SMAD1: variants seen among roughly 807,000 people sequenced by gnomAD.
SMAD1 encodes the protein MAD, mothers against decapentaplegic homolog 1.
SMAD1 carries 6 observed loss-of-function variants against 41.6 expected under a neutral mutation model. That is an observed-to-expected ratio of 0.14 (90% CI 0.08 to 0.28). The LOEUF (loss-of-function observed/expected upper bound fraction) is 0.28, where lower values mean the gene tolerates loss of function less well. Among genes scored for constraint, SMAD1 ranks in the 10% least tolerant of loss-of-function variants. The pLI, the probability that SMAD1 is intolerant of heterozygous loss-of-function variation, is 1.00. For synonymous variants in SMAD1, 206 were observed against 203.2 expected (o/e 1.01, Z -0.12); for missense variants, 379 against 582.6 (o/e 0.65, Z 3.60).
At chr4:145,519,591 C>T (rs1730624932) in intron 2 of SMAD1, among the ~76,000 whole-genome samples, 1 of 150,326 alleles carries the variant, frequency 6.7e-6, no homozygotes. Flanking sequence ...GAGGTCAAAC[C>T]TGTAGTGAGC....
chr4:145,553,691 A>G, intron 5 of SMAD1, 93 bp from the exon 6 acceptor site: 2 of 1,151,438 alleles, frequency 1.7e-6, no homozygotes, highest in African/African-American at 1.5e-5. Context: ...GTTTAAATCC[A>G]TGTATATTTA....
chr4:145,553,922 G>A lies in SMAD1; in HGVS notation c.1136G>A (p.Ser379Asn), dbSNP rs772196472. Residue 379 changes from serine to asparagine, a missense_variant, in exon 6 of 7, where the codon AGT (serine) becomes AAT (asparagine). Ser to Asn is a conservative substitution (Grantham distance 46). Coordinates refer to ENST00000302085, the MANE Select transcript of SMAD1 (RefSeq NM_005900.3). The part of the protein sequence containing the change: ...TTVCKIPSGC[S>N]LKIFNNQEFA... ...GTTTGCAAGATCCCTAGTGGGTGTAGTCTGAAAATTTTTAACAACCAAGAA... is the reference window on the plus strand; with the variant it reads ...GTTTGCAAGATCCCTAGTGGGTGTAATCTGAAAATTTTTAACAACCAAGAA... 1 of 1,614,110 alleles carries A rather than the reference G, an allele frequency of 6.2e-7. No individual in the cohort carries two copies. The highest frequency in any genetic ancestry group is 8.5e-7 in the Non-Finnish European group (1 of 1,180,020).
chr4:145,553,750 TA>T, intron 5 of SMAD1, 33 bp from the exon 6 acceptor site: 1 of 1,595,144 alleles, frequency 6.3e-7, no homozygotes, highest in East Asian at 2.2e-5. Context: ...TAAAAATTAA[TA>T]ATAACTAAAT....
In SMAD1 at chr4:145,514,783, G is replaced by T. The variant is rs1447739675; in HGVS notation, c.170G>T (p.Cys57Phe). The change falls in exon 2 of 7, where the codon TGC (cysteine) becomes TTC (phenylalanine). Residue 57 changes from cysteine (C) to phenylalanine (F), a missense_variant. By Grantham distance (205) the Cys-to-Phe change is radical (BLOSUM62 -2). Around this residue, in one of 3 missense-constraint regions of SMAD1, gnomAD observed 64 missense variants for 153.9 expected, o/e 0.42. Coordinates refer to ENST00000302085, the MANE Select transcript of SMAD1 (RefSeq NM_005900.3). This position sits in a 1 kb window ranked among gnomAD's most constrained non-coding sequence, Gnocchi z 4.7. ...GAGGAACTGGAAAAGGCCTTGAGCT[G>T]CCCAGGGCAACCGAGTAACTGTGTC... ...AMEELEKALS[C>F]PGQPSNCVTI... The T allele has an allele frequency of 6.2e-6, 10 of 1,613,994 alleles. No individual in the cohort carries two copies. The highest frequency in any genetic ancestry group is 1.3e-5 in the African/African-American group (1 of 74,908).
intron 3 of SMAD1, among the ~76,000 whole-genome samples, 179 bp from the exon 4 acceptor site, chr4:145,542,403 C>T (rs1731995714): frequency 2.0e-5 from 3 of 152,222 alleles, no homozygotes; most frequent in Non-Finnish European, 4.4e-5. Context: ...ATGATTGTGG[C>T]ATGGTTAATA....
chr4:145,488,763 A>G (rs1728623221), intron 1 of SMAD1, among the ~76,000 whole-genome samples: 1 of 152,188 alleles, frequency 6.6e-6, no homozygotes, highest in Non-Finnish European at 1.5e-5. Context: ...CAGTATTGTA[A>G]TAAGTATATG....
chr4:145,485,564 C>A (rs1221653363), intron 1 of SMAD1, among the ~76,000 whole-genome samples: 1 of 152,138 alleles, frequency 6.6e-6, no homozygotes, highest in Non-Finnish European at 1.5e-5. Context: ...TACCTCTTCT[C>A]ACTTGTTAAC....
chr4:145,491,892 T>A (rs1441694274), intron 1 of SMAD1, among the ~76,000 whole-genome samples: 1 of 152,188 alleles, frequency 6.6e-6, no homozygotes, highest in Non-Finnish European at 1.5e-5. Flanking sequence ...TGGCATTTGC[T>A]CATTGATGTG....
chr4:145,517,650 G>A lies in SMAD1; in HGVS notation c.400+2637G>A, dbSNP rs370288163. Among the ~76,000 whole-genome samples the A allele has an allele frequency of 6.3e-5, 9 of 143,932 alleles. 1 individual carries two copies. The highest frequency in any genetic ancestry group is 2.0e-4 in the East Asian group (1 of 5,122). 94.4% of individuals were successfully genotyped at this position (143,932 alleles called of 152,430 possible). A position where few individuals can be genotyped will look rare whatever the true frequency, so the allele number is the denominator to read the frequency against. On this transcript the variant is annotated intron_variant, in intron 2 of 6. Transcript: ENST00000302085. ...TGATGCTGATTTTTAATTTAATATC[G>A]TCATTTGGCCATTTTTTTAGTGCTG...
rs756799794 is a variant in SMAD1, at chr4:145,514,676, A to G, written c.63A>G (p.Lys21=). 1.2e-6 allele frequency: 2 copies of G among 1,613,998 alleles called. No individual in the cohort carries two copies. Among genetic ancestry groups the G allele is most frequent in the Non-Finnish European group, 1.7e-6 (2 of 1,180,000 alleles). The change falls in exon 2 of 7, where the codon AAA becomes AAG. Residue 21 remains lysine (K), a synonymous_variant. Coordinates refer to ENST00000302085, the MANE Select transcript of SMAD1 (RefSeq NM_005900.3). The surrounding 1 kb of genome is among the most constrained non-coding windows in gnomAD (Gnocchi z 4.7). Reference sequence around the variant, plus strand: ...CTGTGAAGAGACTTCTTGGGTGGAAACAGGGCGATGAAGAAGAAAAATGGG... The same window carrying G: ...CTGTGAAGAGACTTCTTGGGTGGAAGCAGGGCGATGAAGAAGAAAAATGGG... ...SPAVKRLLGW[K]QGDEEEKWAE...
At chr4:145,506,529 T>C (rs1729794946) in intron 1 of SMAD1, among the ~76,000 whole-genome samples, 1 of 152,192 alleles carries the variant, frequency 6.6e-6, no homozygotes, top group Non-Finnish European at 1.5e-5. Flanking sequence ...AATTCCATAC[T>C]GGTGCAAGAA....
At chr4:145,517,298 C>T (rs1442010521) in intron 2 of SMAD1, among the ~76,000 whole-genome samples, 1 of 152,180 alleles carries the variant, frequency 6.6e-6, no homozygotes, top group African/African-American at 2.4e-5. Context: ...CTTTGTCTAG[C>T]CCACTCTTAT....
intron 1 of SMAD1, among the ~76,000 whole-genome samples, chr4:145,487,699 A>ATTACATTAATATTAATTAGTATTT (rs1236620537): frequency 2.0e-5 from 3 of 152,198 alleles, no homozygotes; most frequent in East Asian, 3.8e-4. Context: ...TAATTGCTTA[A>ATTACATTAATATTAATTAGTATTT]AATCTAAATT....
At chr4:145,555,229 A>G (rs1364912305) in intron 6 of SMAD1, among the ~76,000 whole-genome samples, 1 of 152,226 alleles carries the variant, frequency 6.6e-6, no homozygotes, top group Non-Finnish European at 1.5e-5. Context: ...ACTACAAAGA[A>G]CTATCTTATT....
rs1247999691 is a variant in SMAD1 at position 145,539,897 on chromosome 4, A to G, written c.494A>G (p.His165Arg). ...QFRNLGQNEP[H>R]MPLNATFPDS... ...CGTAACTTAGGACAAAATGAGCCTC[A>G]CATGCCACTCAACGCCACTTTTCCA... The change falls in exon 3 of 7, where the codon CAC becomes CGC. Residue 165 changes from histidine to arginine, a missense_variant. Physicochemically the swap from His to Arg is conservative, Grantham distance 29. Transcript: ENST00000302085. 3.7e-6 allele frequency: 6 copies of G among 1,614,012 alleles called. No homozygotes were observed. The highest frequency in any genetic ancestry group is 5.1e-6 in the Non-Finnish European group (6 of 1,179,972).
At chr4:145,499,035 A>C (rs1480610237) in intron 1 of SMAD1, among the ~76,000 whole-genome samples, 1 of 151,780 alleles carries the variant, frequency 6.6e-6, no homozygotes, top group African/African-American at 2.4e-5. Flanking sequence ...CATCCTCTAT[A>C]AAAAACACCC....
intron 3 of SMAD1, among the ~76,000 whole-genome samples, chr4:145,541,834 A>G (rs1335702836): frequency 1.3e-5 from 2 of 152,236 alleles, no homozygotes; most frequent in African/African-American, 4.8e-5. Context: ...TTTTGGATGG[A>G]AAAGGATTAT....
At chr4:145,550,392 A>G (rs376910315) in intron 5 of SMAD1, among the ~76,000 whole-genome samples, 25 of 152,292 alleles carry the variant, frequency 1.6e-4, no homozygotes, top group African/African-American at 6.0e-4. Flanking sequence ...ACACGCCTGT[A>G]ATCCCAGCTA....
At chr4:145,541,841 T>C (rs539488676) in intron 3 of SMAD1, among the ~76,000 whole-genome samples, 84 of 152,318 alleles carry the variant, frequency 5.5e-4, no homozygotes, top group African/African-American at 2.0e-3. Flanking sequence ...TGGAAAAGGA[T>C]TATTTGTGAG....
Sources: gnomAD v4.1 joint callset for allele counts (sites outside exome capture counted in the v4.1 genomes callset) on GRCh38, gnomAD v4.1.1 for gene constraint, gnomAD v4.1.1 regional missense constraint, Gnocchi (gnomAD v3.1) non-coding constraint, MANE v1.5 for transcripts, NCBI Gene and HGNC (gene_info 2026-07-23, HGNC 2026-07-21) for gene names.